POLR3A: variants seen among roughly 807,000 people sequenced by gnomAD.
POLR3A encodes DNA-directed RNA polymerase III subunit RPC1.
In POLR3A, 112 loss-of-function variants were observed where a neutral mutation model predicts 152.8. The observed-to-expected ratio is 0.73, with a 90% CI of 0.63 to 0.86. The LOEUF (loss-of-function observed/expected upper bound fraction) is 0.86, where lower values mean the gene tolerates loss of function less well. Ranked by LOEUF, POLR3A falls within the 40% of genes least tolerant of loss-of-function variation. POLR3A has a pLI of 0.00. For synonymous variants in POLR3A, 615 were observed against 652.1 expected (o/e 0.94, Z 0.87); for missense variants, 1,385 against 1,743.1 (o/e 0.79, Z 3.66).
In POLR3A at chr10:77,977,204, C is replaced by T; in HGVS notation, c.*274G>A. 2.3e-6 allele frequency: 1 copy of T among 434,392 alleles called. No individual in the cohort carries two copies. 26.9% of individuals were successfully genotyped at this position (434,392 alleles called of 1,614,324 possible). A position where few individuals can be genotyped will look rare whatever the true frequency, so the allele number is the denominator to read the frequency against. On this transcript the variant is annotated 3_prime_UTR_variant, in exon 31 of 31. Coordinates refer to ENST00000372371, the MANE Select transcript of POLR3A (RefSeq NM_007055.4). ...TTTAAGTCCAGGGAAGCAGTGTGTGCACGAGCTGTGGGGCCGTCTATAGAT... is the reference window on the plus strand; with the variant it reads ...TTTAAGTCCAGGGAAGCAGTGTGTGTACGAGCTGTGGGGCCGTCTATAGAT...
intron 21 of POLR3A, among the ~76,000 whole-genome samples, chr10:77,989,787 CAG>C (rs1396351018): frequency 6.6e-6 from 1 of 151,972 alleles, no homozygotes; most frequent in Non-Finnish European, 1.5e-5. Flanking sequence ...TGAGGACAAA[CAG>C]ATAAATACGT....
chr10:78,003,169 T>C (rs1233270989), intron 16 of POLR3A, among the ~76,000 whole-genome samples: 1 of 152,214 alleles, frequency 6.6e-6, no homozygotes, highest in Non-Finnish European at 1.5e-5. Context: ...ACAAGTCTGG[T>C]TCCATGAAAA....
intron 1 of POLR3A, among the ~76,000 whole-genome samples, chr10:78,027,697 TACAG>T (rs1564624541): frequency 2.8e-4 from 34 of 122,504 alleles, no homozygotes; most frequent in African/African-American, 2.4e-3. Context: ...GTTACAGGCA[TACAG>T]GCATGCGCCA....
chr10:77,999,399 C>T (rs547832010), intron 19 of POLR3A, among the ~76,000 whole-genome samples: 8 of 151,876 alleles, frequency 5.3e-5, no homozygotes, highest in African/African-American at 1.5e-4. Context: ...CACAAGAAGA[C>T]GTATTTTTCA....
Position 78,019,210 on chromosome 10 carries a change from A to C in POLR3A, c.1241T>G (p.Val414Gly), listed in dbSNP as rs773118722. Residue 414 changes from valine (V) to glycine (G), a missense_variant, in exon 9 of 31, where the codon GTT (valine) becomes GGT (glycine). Transcript: ENST00000372371. ...LRKLVQNGPE[V>G]HPGANFIQQR... is the part of the protein sequence containing the mutation. ...CTGAATGAAGTTTGCTCCTGGGTGA[A>C]CCTCAGGGCCGTTTTGAACCAGTTT... 1.5e-5 allele frequency: 24 copies of C among 1,613,800 alleles called. No homozygotes were observed. Among genetic ancestry groups the C allele is most frequent in the Non-Finnish European group, 1.9e-5 (23 of 1,179,920 alleles).
intron 14 of POLR3A, among the ~76,000 whole-genome samples, chr10:78,008,138 GT>G (rs1847429205): frequency 6.6e-6 from 1 of 152,108 alleles, no homozygotes; most frequent in South Asian, 2.1e-4. Flanking sequence ...TGAACTGTGG[GT>G]AACAGTATCA....
Position 78,029,511 on chromosome 10 carries a change from T to G in POLR3A, c.-104A>C. The G allele has an allele frequency of 8.7e-7, 1 of 1,143,420 alleles. No homozygotes were observed. 70.8% of individuals were successfully genotyped at this position (1,143,420 alleles called of 1,614,324 possible). A position where few individuals can be genotyped will look rare whatever the true frequency, so the allele number is the denominator to read the frequency against. On this transcript the variant is annotated 5_prime_UTR_variant, in exon 1 of 31. An upstream start codon of the reference 5' UTR is lost. Coordinates refer to ENST00000372371, the MANE Select transcript of POLR3A (RefSeq NM_007055.4). ...TGCTTCTGGACTCGCCGCTAACACA[T>G]CTGCGGCATCCTCTCGGCCACCGTA...
intron 8 of POLR3A, among the ~76,000 whole-genome samples, chr10:78,020,730 G>A (rs911944268): frequency 1.4e-4 from 21 of 152,128 alleles, no homozygotes; most frequent in Admixed American, 5.2e-4. Flanking sequence ...GGAGCTTGCC[G>A]TAAGCAGAGA....
chr10:78,017,317 C>T (rs1335916413), intron 10 of POLR3A, among the ~76,000 whole-genome samples: 2 of 151,994 alleles, frequency 1.3e-5, no homozygotes, highest in Non-Finnish European at 2.9e-5. Flanking sequence ...TTTGGTGGCA[C>T]ATGTCCGTGG....
chr10:78,025,931 G>A (rs375527025), intron 2 of POLR3A, among the ~76,000 whole-genome samples, 163 bp downstream of exon 2: 3 of 152,078 alleles, frequency 2.0e-5, no homozygotes, highest in South Asian at 4.1e-4. Flanking sequence ...ACTCAGAATC[G>A]AATCAGGTTG....
intron 28 of POLR3A, 122 bp from the exon 29 acceptor site, chr10:77,981,681 T>C: frequency 2.4e-6 from 3 of 1,244,702 alleles, no homozygotes; most frequent in Non-Finnish European, 3.5e-6. Context: ...AGAAATGGAT[T>C]GCTGGGCAAT....
chr10:78,000,203 C>A, intron 18 of POLR3A, 85 bp from the exon 19 acceptor site: 1 of 1,198,950 alleles, frequency 8.3e-7, no homozygotes, highest in Non-Finnish European at 1.2e-6. Flanking sequence ...AGAAAATGCC[C>A]CACCTTGAGA....
intron 1 of POLR3A, among the ~76,000 whole-genome samples, chr10:78,027,221 T>C (rs1458826526): frequency 6.6e-6 from 1 of 152,224 alleles, no homozygotes; most frequent in African/African-American, 2.4e-5. Context: ...GTCCTGGGAC[T>C]GGCACAAGCT....
chr10:77,992,958 C>T (rs960502542), intron 20 of POLR3A, among the ~76,000 whole-genome samples: 3 of 152,054 alleles, frequency 2.0e-5, no homozygotes, highest in Non-Finnish European at 4.4e-5. Flanking sequence ...TCAAGTGATC[C>T]TCCTGCCTTG....
intron 1 of POLR3A, among the ~76,000 whole-genome samples, chr10:78,027,970 T>G (rs1414445548): frequency 6.6e-6 from 1 of 152,190 alleles, no homozygotes; most frequent in African/African-American, 2.4e-5. Context: ...CAGGTGGGTG[T>G]GAAGGGCCAG....
chr10:77,989,629 G>A (rs1031143388), intron 21 of POLR3A, among the ~76,000 whole-genome samples: 1 of 152,226 alleles, frequency 6.6e-6, no homozygotes, highest in African/African-American at 2.4e-5. Context: ...GCAAAGCAGT[G>A]TTTGCCAGAA....
intron 9 of POLR3A, among the ~76,000 whole-genome samples, chr10:78,018,933 G>A (rs1415015437): frequency 6.6e-6 from 1 of 152,026 alleles, no homozygotes; most frequent in Non-Finnish European, 1.5e-5. Context: ...TTGTCCTCCT[G>A]GATCCAATAA....
chr10:78,027,432 G>A (rs1847647467), intron 1 of POLR3A, among the ~76,000 whole-genome samples: 1 of 152,182 alleles, frequency 6.6e-6, no homozygotes, highest in African/African-American at 2.4e-5. Context: ...GGCCAAGGTG[G>A]GTGGATCACG....
In POLR3A at chr10:77,985,187, G is replaced by A. The variant is rs1847185698; in HGVS notation, c.3225C>T (p.Asn1075=). ...GCAGGCACCTGATGGCCTTGGAAGC[G>A]TTGATGATCTCTTTAATCCGGGGCA... ...LGVPRIKEII[N]ASKAISTPII... Residue 1075 remains asparagine (N), a synonymous_variant, in exon 24 of 31, where the codon AAC becomes AAT. Coordinates refer to ENST00000372371, the MANE Select transcript of POLR3A (RefSeq NM_007055.4). 10 of 1,613,882 alleles carry A rather than the reference G, an allele frequency of 6.2e-6. No individual in the cohort carries two copies. Among genetic ancestry groups the A allele is most frequent in the African/African-American group, 1.3e-5 (1 of 74,928 alleles).
Sources: gnomAD v4.1 joint callset for allele counts (sites outside exome capture counted in the v4.1 genomes callset) on GRCh38, gnomAD v4.1.1 for gene constraint, MANE v1.5 for transcripts, NCBI Gene and HGNC (gene_info 2026-07-23, HGNC 2026-07-21) for gene names.